The following NKAIN3 variants were observed in gnomAD, a reference collection of about 807,000 sequenced individuals.
NKAIN3 encodes the protein sodium/potassium-transporting ATPase subunit beta-1-interacting protein 3.
NKAIN3 carries 25 observed loss-of-function variants against 30.2 expected under a neutral mutation model. That is an observed-to-expected ratio of 0.83 (90% confidence interval 0.60 to 1.16). NKAIN3 has a LOEUF of 1.16. Among genes scored for constraint, NKAIN3 ranks in the 50% most tolerant of loss-of-function variants. The pLI is 0.00. For synonymous variants in NKAIN3, 91 were observed against 89.6 expected (o/e 1.02, Z -0.09); for missense variants, 225 against 254.1 (o/e 0.89, Z 0.78).
chr8:62,703,852 G>T (rs1264516363), intron 3 of NKAIN3, among the ~76,000 whole-genome samples: 1 of 152,110 alleles, frequency 6.6e-6, no homozygotes, highest in African/African-American at 2.4e-5. Context: ...TTAGCACCCA[G>T]TATCACTGGT....
chr8:62,961,857 T>C (rs1823578886), intron 6 of NKAIN3, among the ~76,000 whole-genome samples: 1 of 152,198 alleles, frequency 6.6e-6, no homozygotes, highest in Admixed American at 6.6e-5. Context: ...TTAACATTAC[T>C]AGATGAGAAA....
intron 4 of NKAIN3, among the ~76,000 whole-genome samples, chr8:62,826,602 G>A (rs991040032): frequency 2.0e-5 from 3 of 152,122 alleles, no homozygotes; most frequent in Non-Finnish European, 4.4e-5. Flanking sequence ...GAGAAATTGA[G>A]TTCCATTCCC....
intron 3 of NKAIN3, among the ~76,000 whole-genome samples, chr8:62,614,364 TC>T (rs1811384898): frequency 6.6e-6 from 1 of 152,172 alleles, no homozygotes; most frequent in African/African-American, 2.4e-5. Flanking sequence ...AGAGTCTCTC[TC>T]TCTGCCCTGA....
intron 4 of NKAIN3, chr8:62,863,910 C>T: frequency 1.6e-6 from 2 of 1,266,038 alleles, no homozygotes; most frequent in Non-Finnish European, 2.3e-6. Flanking sequence ...CCAGGATCTC[C>T]TCCTTTGGCT....
At chr8:62,464,153 AGGAGTAT>A in intron 1 of NKAIN3, among the ~76,000 whole-genome samples, 1 of 152,314 alleles carries the variant, frequency 6.6e-6, no homozygotes, top group East Asian at 1.9e-4. Context: ...AAACTGGGTG[AGGAGTAT>A]GTGGGAATTC....
intron 4 of NKAIN3, among the ~76,000 whole-genome samples, chr8:62,912,194 G>A (rs974617696): frequency 6.6e-6 from 1 of 152,084 alleles, no homozygotes; most frequent in African/African-American, 2.4e-5. Context: ...TATAGAAGAA[G>A]TACAGTAAAA....
chr8:62,683,037 G>A (rs546358440), intron 3 of NKAIN3, among the ~76,000 whole-genome samples: 49 of 152,046 alleles, frequency 3.2e-4, no homozygotes, highest in Middle Eastern at 3.4e-3. Flanking sequence ...TTGTTTGTTT[G>A]TTTGTTTGTT....
intron 4 of NKAIN3, among the ~76,000 whole-genome samples, chr8:62,798,856 A>G (rs1277537667): frequency 6.6e-6 from 1 of 152,178 alleles, no homozygotes; most frequent in East Asian, 1.9e-4. Flanking sequence ...AGGAAAGGAG[A>G]TATCAAGAAA....
intron 1 of NKAIN3, among the ~76,000 whole-genome samples, chr8:62,470,836 A>C (rs554872162): frequency 6.6e-6 from 1 of 151,066 alleles, no homozygotes; most frequent in South Asian, 2.1e-4. Context: ...AATGCAGTTA[A>C]AAAAAAAACA....
chr8:62,853,768 C>T (rs1431069417), intron 4 of NKAIN3, among the ~76,000 whole-genome samples: 1 of 152,086 alleles, frequency 6.6e-6, no homozygotes, highest in Non-Finnish European at 1.5e-5. Context: ...TCTTGGTTCT[C>T]TGGTTCTTTT....
At chr8:62,556,575 G>C (rs1417007907) in intron 1 of NKAIN3, among the ~76,000 whole-genome samples, 1 of 151,576 alleles carries the variant, frequency 6.6e-6, no homozygotes, top group African/African-American at 2.4e-5. Context: ...TAATATATAG[G>C]AATATAGAAA....
At position 62,697,638 on chromosome 8, in the gene NKAIN3, C is replaced by T. The variant is rs114796639; in HGVS notation, c.274-49294C>T. ...TCTCCCAACTTCTAGAACATATGCTCTTGATGGGCAAGGGTCTTTGTCTAT... is the reference window on the plus strand; with the variant it reads ...TCTCCCAACTTCTAGAACATATGCTTTTGATGGGCAAGGGTCTTTGTCTAT... On this transcript the variant is annotated intron_variant, in intron 3 of 6. Coordinates refer to ENST00000623646, the MANE Select transcript of NKAIN3 (RefSeq NM_001304533.3). 3.1e-3 allele frequency among the ~76,000 whole-genome samples: 466 copies of T among 152,206 alleles called. 1 individual carries two copies. The highest frequency in any genetic ancestry group is 0.01 in the African/African-American group (417 of 41,524).
At chr8:62,620,191 G>C (rs1266429296) in intron 3 of NKAIN3, among the ~76,000 whole-genome samples, 1 of 152,090 alleles carries the variant, frequency 6.6e-6, no homozygotes, top group South Asian at 2.1e-4. Flanking sequence ...ACTTAGCAAG[G>C]CCAGTTCCTT....
chr8:62,860,924 A>T (rs933099980), intron 4 of NKAIN3, among the ~76,000 whole-genome samples: 1 of 152,216 alleles, frequency 6.6e-6, no homozygotes, highest in African/African-American at 2.4e-5. Flanking sequence ...TGATCCACCT[A>T]TCTGGCCTCA....
Position 62,579,522 on chromosome 8 carries a change from T to C in NKAIN3, c.55-17T>C. On this transcript the variant is annotated splice_polypyrimidine_tract_variant and intron_variant, in intron 1 of 6. Transcript: ENST00000623646. ...TGCTTGGATTCAATGCTAATGAACT[T>C]TCTTTTTTTGTTGTAGGTCTCAGCA... 6.3e-7 allele frequency: 1 copy of C among 1,592,854 alleles called. No individual in the cohort carries two copies. The highest frequency in any genetic ancestry group is 8.5e-7 in the Non-Finnish European group (1 of 1,171,316).
intron 1 of NKAIN3, among the ~76,000 whole-genome samples, chr8:62,255,357 T>C (rs1307509118): frequency 5.3e-5 from 8 of 152,196 alleles, no homozygotes; most frequent in Non-Finnish European, 1.2e-4. Context: ...ACATGAAGAC[T>C]GAGGATTGGA....
intron 1 of NKAIN3, among the ~76,000 whole-genome samples, chr8:62,353,377 G>A (rs1437273469): frequency 6.6e-6 from 1 of 152,158 alleles, no homozygotes; most frequent in Non-Finnish European, 1.5e-5. Flanking sequence ...TTACTGATGT[G>A]AAATGATTTC....
At chr8:62,562,018 A>G in intron 1 of NKAIN3, among the ~76,000 whole-genome samples, 1 of 152,152 alleles carries the variant, frequency 6.6e-6, no homozygotes, top group Admixed American at 6.6e-5. Flanking sequence ...GGCTGAGATG[A>G]AAGCTCAGGG....
At chr8:62,348,130 G>T (rs556405318) in intron 1 of NKAIN3, among the ~76,000 whole-genome samples, 1 of 152,174 alleles carries the variant, frequency 6.6e-6, no homozygotes, top group African/African-American at 2.4e-5. Flanking sequence ...TTAGGAAAAG[G>T]TGAATTTAAG....
Sources: allele counts gnomAD v4.1 joint callset (sites outside exome capture counted in the v4.1 genomes callset), GRCh38; gene constraint gnomAD v4.1.1; transcripts MANE v1.5; gene names NCBI Gene and HGNC (gene_info 2026-07-23, HGNC 2026-07-21).